The following NF2 variants were observed in gnomAD, a reference collection of about 807,000 sequenced individuals.
NF2 encodes NF2, moesin-ezrin-radixin like (MERLIN) tumor suppressor.
A neutral mutation model predicts 83.7 loss-of-function variants in NF2; 8 were observed. The observed-to-expected ratio is 0.10, with a 90% CI of 0.06 to 0.17. NF2 has a LOEUF of 0.17. Ranked by LOEUF, NF2 falls within the 10% of genes least tolerant of loss-of-function variation. NF2 has a pLI of 1.00. For synonymous variants in NF2, 266 were observed against 269.6 expected, an observed-to-expected ratio of 0.99 and a Z score of 0.13; for missense variants, 533 against 744.4, an observed-to-expected ratio of 0.72 and a Z score of 3.31.
chr22:29,659,352 C>G (rs1320163095), intron 7 of NF2, among the ~76,000 whole-genome samples: 1 of 152,122 alleles, frequency 6.6e-6, no homozygotes, highest in East Asian at 1.9e-4. Context: ...TTTTAAAAAT[C>G]TTTTTTGTTT....
At chr22:29,611,608 GC>G in intron 1 of NF2, among the ~76,000 whole-genome samples, 1 of 152,296 alleles carries the variant, frequency 6.6e-6, no homozygotes, top group Non-Finnish European at 1.5e-5. Flanking sequence ...TTTCACTACT[GC>G]TATTCAGCAT....
intron 11 of NF2, among the ~76,000 whole-genome samples, chr22:29,672,937 A>AT (rs1355058627): frequency 1.3e-5 from 2 of 152,204 alleles, no homozygotes; most frequent in Non-Finnish European, 2.9e-5. Flanking sequence ...TGTCTCTTGC[A>AT]GGGGACAAAA....
At chr22:29,693,231 C>G (rs2067453811) in intron 15 of NF2, among the ~76,000 whole-genome samples, 1 of 152,206 alleles carries the variant, frequency 6.6e-6, no homozygotes, top group Non-Finnish European at 1.5e-5. Flanking sequence ...CATCCTGATG[C>G]AGCTCCCTTC....
intron 1 of NF2, among the ~76,000 whole-genome samples, chr22:29,629,434 G>A (rs8140539): frequency 0.016 from 2,413 of 152,272 alleles, 73 homozygotes; most frequent in African/African-American, 0.056. Context: ...TTGTATTCAG[G>A]TTAGGTTTGG....
chr22:29,618,129 C>T (rs1421634342), intron 1 of NF2, among the ~76,000 whole-genome samples: 2 of 152,128 alleles, frequency 1.3e-5, no homozygotes, highest in Non-Finnish European at 2.9e-5. Context: ...CTCAGATTTC[C>T]AGTGGAAAAA....
At chr22:29,650,540 CTT>C (rs1348230080) in intron 4 of NF2, among the ~76,000 whole-genome samples, 1 of 151,548 alleles carries the variant, frequency 6.6e-6, no homozygotes, top group Non-Finnish European at 1.5e-5. Flanking sequence ...CTTTCTTTCT[CTT>C]TCTCTTTCTT....
intron 15 of NF2, among the ~76,000 whole-genome samples, chr22:29,690,061 C>T (rs769455054): frequency 1.3e-5 from 2 of 152,206 alleles, no homozygotes; most frequent in African/African-American, 4.8e-5. Context: ...AGCTGGAAGC[C>T]GTCTGCTGCT....
At chr22:29,649,646 G>A (rs1468535919) in intron 4 of NF2, among the ~76,000 whole-genome samples, 1 of 152,112 alleles carries the variant, frequency 6.6e-6, no homozygotes, top group Admixed American at 6.5e-5. Flanking sequence ...GGAGGCTGAG[G>A]CACGAGAATC....
At chr22:29,652,885 T>C (rs1039144741) in intron 4 of NF2, among the ~76,000 whole-genome samples, 9 of 152,138 alleles carry the variant, frequency 5.9e-5, no homozygotes, top group African/African-American at 2.2e-4. Flanking sequence ...CTCCCAGAAA[T>C]AGAGAGATAC....
chr22:29,614,337 G>A (rs745430821), intron 1 of NF2, among the ~76,000 whole-genome samples: 17 of 151,994 alleles, frequency 1.1e-4, no homozygotes, highest in Middle Eastern at 3.4e-3. Flanking sequence ...CCAGCACTTC[G>A]GGAGGCCGAG....
At chr22:29,681,268 C>T (rs1309610040) in intron 14 of NF2, among the ~76,000 whole-genome samples, 171 bp from the exon 15 acceptor site, 3 of 152,100 alleles carry the variant, frequency 2.0e-5, no homozygotes, top group African/African-American at 7.2e-5. Context: ...ACATTCATAG[C>T]ATTTAAGTGA....
Position 29,682,883 on chromosome 22 carries a change from G to T in NF2, c.1737+1282G>T, listed in dbSNP as rs918134351. 7 of 1,023,228 alleles carry T rather than the reference G, an allele frequency of 6.8e-6. No homozygotes were observed. The East Asian group carries it at 1.5e-4, about 21-fold the overall frequency. The allele number at this position is 1,023,228 out of a possible 1,614,324, so 63.4% of individuals were successfully genotyped here. On this transcript the variant is annotated intron_variant, in intron 15 of 15. Transcript: ENST00000338641. ...GCAGTGTGAGAGCTGGAGAGACCCC[G>T]TTCCAAGCCATTAAAACAAACAAAA... is the stretch of plus-strand genomic sequence containing the variant.
At chr22:29,626,963 A>G (rs1465254663) in intron 1 of NF2, among the ~76,000 whole-genome samples, 1 of 152,212 alleles carries the variant, frequency 6.6e-6, no homozygotes, top group Non-Finnish European at 1.5e-5. Context: ...CAGCAGCATT[A>G]TCATTCCCAA....
intron 6 of NF2, among the ~76,000 whole-genome samples, chr22:29,656,159 C>T (rs2066301054): frequency 6.6e-6 from 1 of 151,776 alleles, no homozygotes; most frequent in African/African-American, 2.4e-5. Flanking sequence ...GGCTGGTCTT[C>T]AACTCCTGGG....
intron 13 of NF2, 125 bp downstream of exon 13, chr22:29,675,066 G>A: frequency 3.9e-6 from 3 of 772,128 alleles, no homozygotes; most frequent in Non-Finnish European, 4.4e-6. Flanking sequence ...GGCTGGATGA[G>A]AGGTGCAGAG....
intron 9 of NF2, among the ~76,000 whole-genome samples, chr22:29,667,815 C>G (rs2066668602): frequency 6.6e-6 from 1 of 152,052 alleles, no homozygotes; most frequent in Admixed American, 6.5e-5. Flanking sequence ...TTGTGTCTTA[C>G]TTGGCATCTT....
At chr22:29,637,085 G>C (rs2065670156) in intron 2 of NF2, among the ~76,000 whole-genome samples, 1 of 152,226 alleles carries the variant, frequency 6.6e-6, no homozygotes, top group Non-Finnish European at 1.5e-5. Context: ...GAAGTTACCA[G>C]GATTAGACTG....
rs886057367 is a variant in NF2 at position 29,696,805 on chromosome 22, T to G, written c.*2003T>G. 4 of 186,968 alleles carry G rather than the reference T, an allele frequency of 2.1e-5. No homozygotes were observed. The East Asian group carries it at 3.3e-4, about 15-fold the overall frequency. 11.6% of individuals were successfully genotyped at this position (186,968 alleles called of 1,614,324 possible). On this transcript the variant is annotated 3_prime_UTR_variant, in exon 16 of 16. Coordinates refer to ENST00000338641, the MANE Select transcript of NF2 (RefSeq NM_000268.4). The stretch of plus-strand genomic sequence containing the variant: ...GGCTCTGCCTCCTCCGTTTTTTTTT[T>G]TTTTCTGTTTCTGTTTCTGTTTTTT...
intron 8 of NF2, among the ~76,000 whole-genome samples, chr22:29,662,290 A>G (rs1397958920): frequency 2.6e-5 from 4 of 152,038 alleles, no homozygotes; most frequent in African/African-American, 9.7e-5. Context: ...GTGCCACCAC[A>G]TCTGGCTAAT....
Sources: allele counts gnomAD v4.1 joint callset (sites outside exome capture counted in the v4.1 genomes callset), GRCh38; gene constraint gnomAD v4.1.1; transcripts MANE v1.5; gene names NCBI Gene and HGNC (gene_info 2026-07-23, HGNC 2026-07-21).